Variants in CFTR observed in about 807,000 individuals in gnomAD.
CFTR encodes the protein CF transmembrane conductance regulator.
CFTR carries 181 observed loss-of-function variants against 171.6 expected under a neutral mutation model. The ratio of observed to expected loss-of-function variants is 1.05; its 90% CI spans 0.93 to 1.19. CFTR has a LOEUF of 1.19. Among genes scored for constraint, CFTR ranks in the 50% most tolerant of loss-of-function variants. The probability of loss-of-function intolerance (pLI) is 0.00; values close to 1 mark genes in which losing one functional copy is unlikely to be tolerated. For synonymous variants in CFTR, 583 were observed against 608.0 expected, an observed-to-expected ratio of 0.96 and a Z score of 0.60; for missense variants, 1,968 against 1,734.7, an observed-to-expected ratio of 1.13 and a Z score of -2.39.
rs112904263 is a variant in CFTR at position 117,612,234 on chromosome 7, T to TACACACACACACACACAC, written c.3367+436_3367+453dup. The stretch of plus-strand genomic sequence containing the variant: ...AGAGGGGAAATGAAACATCCGCATT[T>TACACACACACACACACAC]ACACACACACACACACACACACACA... On this transcript the variant is annotated intron_variant, in intron 20 of 26. Transcript: ENST00000003084. Among the ~76,000 whole-genome samples the TACACACACACACACACAC allele has an allele frequency of 4.5e-3, 633 of 140,928 alleles. 6 individuals carry two copies. The highest frequency in any genetic ancestry group is 0.016 in the African/African-American group (589 of 37,458). The allele number at this position is 140,928 out of a possible 152,430, so 92.5% of individuals were successfully genotyped here. A position where few individuals can be genotyped will look rare whatever the true frequency, so the allele number is the denominator to read the frequency against.
chr7:117,602,193 T>C (rs935227170), intron 15 of CFTR, among the ~76,000 whole-genome samples: 1 of 152,204 alleles, frequency 6.6e-6, no homozygotes, highest in Non-Finnish European at 1.5e-5. Flanking sequence ...CCACCAGGCC[T>C]GGCTAATAGT....
intron 21 of CFTR, among the ~76,000 whole-genome samples, chr7:117,621,199 A>G (rs1388170595): frequency 6.6e-6 from 1 of 152,160 alleles, no homozygotes; most frequent in Non-Finnish European, 1.5e-5. Flanking sequence ...GTGACTGAGC[A>G]TGATGTTTGT....
intron 24 of CFTR, among the ~76,000 whole-genome samples, chr7:117,654,896 G>A (rs945373778): frequency 6.6e-6 from 1 of 152,098 alleles, no homozygotes; most frequent in Admixed American, 6.5e-5. Context: ...CCCTACCCCA[G>A]GCCTCTGCAC....
At chr7:117,521,195 C>T (rs1015663554) in intron 3 of CFTR, among the ~76,000 whole-genome samples, 1 of 151,902 alleles carries the variant, frequency 6.6e-6, no homozygotes, top group African/African-American at 2.4e-5. Flanking sequence ...TTTTAAACCT[C>T]GATCTATTAA....
intron 24 of CFTR, among the ~76,000 whole-genome samples, chr7:117,657,350 G>A (rs1206977000): frequency 1.3e-5 from 2 of 152,166 alleles, no homozygotes; most frequent in African/African-American, 4.8e-5. Context: ...TCACAAAGAT[G>A]ATGATGTTAG....
At chr7:117,614,226 C>T (rs966961974) in intron 20 of CFTR, among the ~76,000 whole-genome samples, 2 of 151,978 alleles carry the variant, frequency 1.3e-5, no homozygotes, top group African/African-American at 4.8e-5. Flanking sequence ...TAAAGCAGCT[C>T]ATCTGGATAC....
intron 11 of CFTR, among the ~76,000 whole-genome samples, chr7:117,571,907 G>T (rs1250269573): frequency 6.6e-6 from 1 of 152,086 alleles, no homozygotes; most frequent in Non-Finnish European, 1.5e-5. Context: ...TGTACTTTTT[G>T]TTGGGTGTAG....
rs1188978376 is a variant in CFTR at position 117,590,342 on chromosome 7, T to C, written c.1680-11T>C. On this transcript the variant is annotated splice_polypyrimidine_tract_variant and intron_variant, in intron 12 of 26. Transcript: ENST00000003084. ...AGAGGAAATGTAATTTAATTTCCAT[T>C]TTCTTTTTAGAGCAGTATACAAAGA... The C allele has an allele frequency of 6.2e-7, 1 of 1,601,044 alleles. No individual in the cohort carries two copies. The highest frequency in any genetic ancestry group is 1.1e-5 in the South Asian group (1 of 90,854).
chr7:117,639,822 T>C (rs1197710011), intron 22 of CFTR, among the ~76,000 whole-genome samples: 1 of 152,164 alleles, frequency 6.6e-6, no homozygotes, highest in Non-Finnish European at 1.5e-5. Flanking sequence ...TTAATAGAGA[T>C]ATATGAACAC....
intron 24 of CFTR, 40 bp from the exon 25 acceptor site, chr7:117,664,648 T>G: frequency 2.5e-6 from 4 of 1,591,070 alleles, no homozygotes; most frequent in Non-Finnish European, 3.5e-6. Context: ...CTTGAGTGTT[T>G]TTAACTCTGT....
intron 12 of CFTR, among the ~76,000 whole-genome samples, chr7:117,589,589 A>G (rs1791996459): frequency 6.6e-6 from 1 of 152,016 alleles, no homozygotes; most frequent in Admixed American, 6.6e-5. Context: ...AACTCAATGT[A>G]GATTTTACTT....
intron 3 of CFTR, among the ~76,000 whole-genome samples, chr7:117,521,205 AATTCTTG>A (rs1250755154): frequency 3.3e-5 from 5 of 152,024 alleles, no homozygotes; most frequent in Middle Eastern, 3.6e-3. Context: ...CGATCTATTA[AATTCTTG>A]ATTCATTTAC....
rs1282537403 is a variant in CFTR, at chr7:117,532,680, G to C, written c.489+1566G>C. On this transcript the variant is annotated intron_variant, in intron 4 of 26. Transcript: ENST00000003084. Reference sequence around the variant, plus strand: ...ACATTTAGCACAAATACAGGATATAGGTGCTTTCAGACCCAGCTGCATTGA... The same window carrying C: ...ACATTTAGCACAAATACAGGATATACGTGCTTTCAGACCCAGCTGCATTGA... 2.0e-5 allele frequency among the ~76,000 whole-genome samples: 3 copies of C among 152,114 alleles called. No homozygotes were observed. In the East Asian group the frequency reaches 5.8e-4, roughly 29 times the overall value.
chr7:117,553,149 G>A (rs532376252), intron 10 of CFTR, among the ~76,000 whole-genome samples: 2 of 152,066 alleles, frequency 1.3e-5, no homozygotes, highest in South Asian at 4.2e-4. Context: ...CCAGCCTCCA[G>A]AACTGTGAGA....
intron 11 of CFTR, among the ~76,000 whole-genome samples, chr7:117,574,624 C>T (rs1261262735): frequency 6.6e-6 from 1 of 152,026 alleles, no homozygotes; most frequent in East Asian, 1.9e-4. Flanking sequence ...TTCTTAACTG[C>T]CTTGATAGGG....
intron 1 of CFTR, among the ~76,000 whole-genome samples, chr7:117,500,331 G>A (rs1484366955): frequency 7.2e-5 from 10 of 138,026 alleles, no homozygotes; most frequent in East Asian, 2.1e-4. Context: ...TTGTTGCCCA[G>A]GCTGGAGTGC....
chr7:117,585,785 G>T (rs1020679029), intron 11 of CFTR, among the ~76,000 whole-genome samples: 1 of 152,044 alleles, frequency 6.6e-6, no homozygotes, highest in Non-Finnish European at 1.5e-5. Context: ...GGGGCTACAG[G>T]TGCATGCTAC....
chr7:117,574,238 G>A (rs1470522650), intron 11 of CFTR, among the ~76,000 whole-genome samples: 1 of 151,848 alleles, frequency 6.6e-6, no homozygotes, highest in Non-Finnish European at 1.5e-5. Flanking sequence ...CTAATAATGT[G>A]GTTACAAATG....
chr7:117,665,952 T>C (rs1255063044), intron 26 of CFTR, among the ~76,000 whole-genome samples: 1 of 152,196 alleles, frequency 6.6e-6, no homozygotes, highest in Non-Finnish European at 1.5e-5. Flanking sequence ...CTAGTTGTCT[T>C]ACAGTCTGAT....
Sources: allele counts gnomAD v4.1 joint callset (sites outside exome capture counted in the v4.1 genomes callset), GRCh38; gene constraint gnomAD v4.1.1; transcripts MANE v1.5; gene names NCBI Gene and HGNC (gene_info 2026-07-23, HGNC 2026-07-21).